The following ADGRE3 variants were observed in gnomAD, a reference collection of about 807,000 sequenced individuals.
ADGRE3 encodes the protein EGF-like module receptor 3.
A neutral mutation model predicts 80.1 loss-of-function variants in ADGRE3; 88 were observed. The ratio of observed to expected loss-of-function variants is 1.10; its 90% CI spans 0.93 to 1.31. ADGRE3 has a LOEUF of 1.31. Among genes scored for constraint, ADGRE3 ranks in the 40% most tolerant of loss-of-function variants. The probability of loss-of-function intolerance (pLI) is 0.00; values close to 1 mark genes in which losing one functional copy is unlikely to be tolerated. For synonymous variants in ADGRE3, 281 were observed against 294.8 expected, an observed-to-expected ratio of 0.95 and a Z score of 0.48; for missense variants, 715 against 776.5, an observed-to-expected ratio of 0.92 and a Z score of 0.94.
chr19:14,611,371 C>CTTTTTTTT, the ADGRE3 span, among the ~76,000 whole-genome samples: 34 of 75,960 alleles, frequency 4.5e-4, no homozygotes, highest in African/African-American at 1.6e-3. Flanking sequence ...AACTTCTATC[C>CTTTTTTTT]TTTTTTTTTT....
chr19:14,651,012 G>A, intron 7 of ADGRE3, 73 bp downstream of exon 7: 1 of 1,561,672 alleles, frequency 6.4e-7, no homozygotes, highest in East Asian at 2.3e-5. Flanking sequence ...GAGCCCAGTG[G>A]GCTTGTTTCC....
chr19:14,610,295 C>T, the ADGRE3 span: 19 of 1,475,556 alleles, frequency 1.3e-5, no homozygotes, highest in Admixed American at 2.7e-4. Context: ...TGAGTGGACA[C>T]ACAGATGTGC....
At chr19:14,668,979 A>G (rs867402711) in intron 1 of ADGRE3, 127 bp from the exon 2 acceptor site, 1 of 880,286 alleles carries the variant, frequency 1.1e-6, no homozygotes, top group Non-Finnish European at 1.8e-6. Context: ...TAGTGGCTTA[A>G]AGCTACATTT....
intron 13 of ADGRE3, among the ~76,000 whole-genome samples, chr19:14,630,959 C>T (rs941831176): frequency 6.6e-6 from 1 of 151,970 alleles, no homozygotes; most frequent in African/African-American, 2.4e-5. Context: ...GGTGTGATCT[C>T]AGCTCATGGG....
chr19:14,648,632 T>G (rs1971485819), intron 7 of ADGRE3, among the ~76,000 whole-genome samples: 1 of 152,192 alleles, frequency 6.6e-6, no homozygotes, highest in Non-Finnish European at 1.5e-5. Flanking sequence ...GCCATGAAGG[T>G]GTTTTAAAGA....
chr19:14,610,343 CA>C, the ADGRE3 span: 1 of 1,134,460 alleles, frequency 8.8e-7, no homozygotes, highest in African/African-American at 1.5e-5. Flanking sequence ...AGCAAGTTCC[CA>C]GGGGTGCAAG....
intron 15 of ADGRE3, among the ~76,000 whole-genome samples, chr19:14,620,417 C>CATGTATATATGAATATATATGTATATTA (rs1970512668): frequency 1.6e-5 from 2 of 122,732 alleles, no homozygotes; most frequent in East Asian, 2.0e-4. Flanking sequence ...TATGTATATT[C>CATGTATATATGAATATATATGTATATTA]ATGTATATAT....
At chr19:14,625,662 G>T in intron 14 of ADGRE3, 63 bp from the exon 15 acceptor site, 1 of 963,184 alleles carries the variant, frequency 1.0e-6, no homozygotes, top group Non-Finnish European at 1.7e-6. Context: ...CAGAAAGGTC[G>T]GTGAGTCAGG....
chr19:14,606,634 C>T, the ADGRE3 span, among the ~76,000 whole-genome samples: 7 of 149,744 alleles, frequency 4.7e-5, no homozygotes, highest in African/African-American at 1.7e-4. Context: ...GAGCTGAGAT[C>T]GCACCACAGC....
At chr19:14,606,548 C>T in the ADGRE3 span, among the ~76,000 whole-genome samples, 9 of 151,778 alleles carry the variant, frequency 5.9e-5, no homozygotes, top group East Asian at 1.6e-3. Flanking sequence ...GGCGTGGTGG[C>T]GGGTAGCTAT....
At chr19:14,649,414 CCATCTCTCTAATTT>C (rs1971520530) in intron 7 of ADGRE3, among the ~76,000 whole-genome samples, 1 of 145,446 alleles carries the variant, frequency 6.9e-6, no homozygotes, top group African/African-American at 2.6e-5. Context: ...ATCTCTCTCC[CCATCTCTCTAATTT>C]CATCTCTCTC....
At chr19:14,650,007 C>T (rs928556105) in intron 7 of ADGRE3, among the ~76,000 whole-genome samples, 1 of 144,348 alleles carries the variant, frequency 6.9e-6, no homozygotes, top group Non-Finnish European at 1.5e-5. Flanking sequence ...TCTCTCCCTC[C>T]CCATCTCTCT....
intron 15 of ADGRE3, among the ~76,000 whole-genome samples, chr19:14,620,289 C>T (rs769336810): frequency 2.0e-5 from 3 of 151,238 alleles, no homozygotes; most frequent in Admixed American, 6.7e-5. Context: ...TGACCTCAAG[C>T]GATCCTCCTA....
At chr19:14,671,627 T>C (rs1972259537) in intron 1 of ADGRE3, among the ~76,000 whole-genome samples, 1 of 152,312 alleles carries the variant, frequency 6.6e-6, no homozygotes, top group East Asian at 1.9e-4. Flanking sequence ...CTGTTATTTT[T>C]CTTCCTGTAA....
intron 4 of ADGRE3, among the ~76,000 whole-genome samples, chr19:14,659,929 T>G (rs1438972444): frequency 6.6e-6 from 1 of 152,028 alleles, no homozygotes; most frequent in Non-Finnish European, 1.5e-5. Flanking sequence ...AAATTTTGGT[T>G]TTCAGCTCAG....
At chr19:14,661,843 C>G in intron 4 of ADGRE3, 120 bp downstream of exon 4, 1 of 1,047,400 alleles carries the variant, frequency 9.5e-7, no homozygotes, top group Admixed American at 2.1e-5. Flanking sequence ...GAGGTTTCAG[C>G]CACTGCACTC....
At chr19:14,606,141 C>T in the ADGRE3 span, among the ~76,000 whole-genome samples, 1 of 151,834 alleles carries the variant, frequency 6.6e-6, no homozygotes, top group Non-Finnish European at 1.5e-5. Context: ...ATTAAGGCTA[C>T]CGAGTAGCAC....
chr19:14,654,638 T>C (rs1415850686), intron 6 of ADGRE3, among the ~76,000 whole-genome samples: 2 of 152,124 alleles, frequency 1.3e-5, no homozygotes, highest in Admixed American at 6.6e-5. Context: ...TAAACAACTT[T>C]ATTGAGGTAT....
intron 5 of ADGRE3, among the ~76,000 whole-genome samples, chr19:14,658,033 G>A (rs1244832136): frequency 1.3e-5 from 2 of 152,066 alleles, no homozygotes; most frequent in African/African-American, 4.8e-5. Context: ...CCAAAGTGCT[G>A]GGATTACAGG....
Sources: gnomAD v4.1 joint callset for allele counts (sites outside exome capture counted in the v4.1 genomes callset) on GRCh38, gnomAD v4.1.1 for gene constraint, MANE v1.5 for transcripts, NCBI Gene and HGNC (gene_info 2026-07-23, HGNC 2026-07-21) for gene names.